Variants in ERBIN observed in about 807,000 individuals in gnomAD.
ERBIN encodes erbb2 interacting protein, also known as densin-180-like protein.
In ERBIN, 60 loss-of-function variants were observed where a neutral mutation model predicts 158.4. The ratio of observed to expected loss-of-function variants is 0.38; its 90% CI spans 0.31 to 0.47. The LOEUF (loss-of-function observed/expected upper bound fraction) is 0.47, where lower values mean the gene tolerates loss of function less well. Ranked by LOEUF, ERBIN falls within the 20% of genes least tolerant of loss-of-function variation. ERBIN has a pLI of 0.99. For synonymous variants in ERBIN, 594 were observed against 557.2 expected (o/e 1.07, Z -0.93); for missense variants, 1,610 against 1,648.0 (o/e 0.98, Z 0.40).
rs573460722 is a variant in ERBIN at position 65,939,464 on chromosome 5, C to G, written c.-58+12658C>G. Among the ~76,000 whole-genome samples the G allele has an allele frequency of 7.0e-4, 107 of 152,140 alleles. No homozygotes were observed. In the South Asian group the frequency reaches 0.012, roughly 17 times the overall value. ...AAACAAACACCAATAAAGAACAATA[C>G]AGATCCAGCCCAGCATCTTCACCAA... On this transcript the variant is annotated intron_variant, in intron 1 of 25. Transcript: ENST00000284037.
rs1755173073 is a variant in ERBIN at position 66,018,518 on chromosome 5, TAA to T, written c.534-2803_534-2802del. Among the ~76,000 whole-genome samples, 5 of 10,566 alleles carry T rather than the reference TAA, an allele frequency of 4.7e-4. 2 individuals are homozygous for T. The highest frequency in any genetic ancestry group is 9.0e-4 in the Non-Finnish European group (5 of 5,550). 6.9% of individuals were successfully genotyped at this position (10,566 alleles called of 152,430 possible). A position where few individuals can be genotyped will look rare whatever the true frequency, so the allele number is the denominator to read the frequency against. On this transcript the variant is annotated intron_variant, in intron 7 of 25. Transcript: ENST00000284037. Reference sequence around the variant, plus strand: ...TATATAATATATATTATATATTATATAATATATATTATATTATATAATATATA... The same window carrying T: ...TATATAATATATATTATATATTATATTATATATTATATTATATAATATATA...
At chr5:65,966,301 G>T (rs1333948747) in intron 1 of ERBIN, among the ~76,000 whole-genome samples, 1 of 152,212 alleles carries the variant, frequency 6.6e-6, no homozygotes, top group Non-Finnish European at 1.5e-5. Context: ...ACAGTACACA[G>T]TACTTGACAA....
chr5:65,996,324 G>C (rs1182033301), intron 4 of ERBIN, among the ~76,000 whole-genome samples: 1 of 147,786 alleles, frequency 6.8e-6, no homozygotes, highest in Non-Finnish European at 1.5e-5. Flanking sequence ...TTTTTAAATG[G>C]TGTAAGATAA....
chr5:65,969,739 AC>A (rs1184549836), intron 1 of ERBIN, among the ~76,000 whole-genome samples: 2 of 152,042 alleles, frequency 1.3e-5, no homozygotes, highest in Admixed American at 6.6e-5. Context: ...TCTAAAACTC[AC>A]CCCCTGCTCC....
chr5:66,034,461 A>G (rs1255280400), intron 14 of ERBIN, among the ~76,000 whole-genome samples: 1 of 151,718 alleles, frequency 6.6e-6, no homozygotes, highest in Admixed American at 6.6e-5. Flanking sequence ...AGCTTTTTGT[A>G]TTTTTAGTAG....
At chr5:65,948,768 T>TG (rs1348164675) in intron 1 of ERBIN, among the ~76,000 whole-genome samples, 132 of 141,324 alleles carry the variant, frequency 9.3e-4, no homozygotes, top group African/African-American at 3.5e-3. Flanking sequence ...TTGCGTTTTT[T>TG]TTTTTTTTTT....
At chr5:65,957,356 G>A (rs1284246629) in intron 1 of ERBIN, among the ~76,000 whole-genome samples, 1 of 152,124 alleles carries the variant, frequency 6.6e-6, no homozygotes, top group Non-Finnish European at 1.5e-5. Flanking sequence ...CTAGGCAGAG[G>A]ACCCTGGGGC....
chr5:66,013,249 T>A (rs1329600848), intron 5 of ERBIN, among the ~76,000 whole-genome samples: 1 of 152,208 alleles, frequency 6.6e-6, no homozygotes, highest in African/African-American at 2.4e-5. Context: ...GATTTCAGAG[T>A]TATACCCTAA....
At chr5:66,018,441 A>AATATAATATATATTATGTT (rs1755038257) in intron 7 of ERBIN, among the ~76,000 whole-genome samples, 1 of 53,166 alleles carries the variant, frequency 1.9e-5, no homozygotes, top group Non-Finnish European at 3.5e-5. Flanking sequence ...TGATATATAT[A>AATATAATATATATTATGTT]ATATAATATA....
intron 1 of ERBIN, among the ~76,000 whole-genome samples, chr5:65,947,785 T>A (rs1245635215): frequency 6.6e-6 from 1 of 152,030 alleles, no homozygotes; most frequent in Non-Finnish European, 1.5e-5. Context: ...GGCAGGCAGA[T>A]CACGTGAGGT....
At chr5:65,960,127 T>A (rs1165053382) in intron 1 of ERBIN, among the ~76,000 whole-genome samples, 1 of 152,262 alleles carries the variant, frequency 6.6e-6, no homozygotes, top group African/African-American at 2.4e-5. Flanking sequence ...TTGCAGTATA[T>A]TCATATGCTG....
At chr5:65,982,598 T>C (rs1186088019) in intron 1 of ERBIN, among the ~76,000 whole-genome samples, 1 of 152,120 alleles carries the variant, frequency 6.6e-6, no homozygotes, top group Non-Finnish European at 1.5e-5. Flanking sequence ...TAGATACAGA[T>C]AAGGATCCTC....
At chr5:66,027,175 A>C (rs1390498164) in intron 13 of ERBIN, among the ~76,000 whole-genome samples, 1 of 152,040 alleles carries the variant, frequency 6.6e-6, no homozygotes, top group African/African-American at 2.4e-5. Context: ...CATTTTATGT[A>C]GGAGGGTTTT....
At chr5:65,983,145 T>C (rs1750831207) in intron 1 of ERBIN, among the ~76,000 whole-genome samples, 1 of 152,320 alleles carries the variant, frequency 6.6e-6, no homozygotes, top group East Asian at 1.9e-4. Context: ...TAGACATGTT[T>C]AGGCTAACTA....
intron 15 of ERBIN, among the ~76,000 whole-genome samples, chr5:66,040,014 T>A (rs1201698319): frequency 6.6e-6 from 1 of 151,990 alleles, no homozygotes; most frequent in Non-Finnish European, 1.5e-5. Flanking sequence ...AAGAGTTTTC[T>A]AATAGTTTAG....
intron 1 of ERBIN, among the ~76,000 whole-genome samples, chr5:65,973,534 C>G (rs1354223778): frequency 6.6e-6 from 1 of 151,378 alleles, no homozygotes; most frequent in Non-Finnish European, 1.5e-5. Context: ...TTCATGCACT[C>G]TGGCACTCAC....
intron 7 of ERBIN, among the ~76,000 whole-genome samples, chr5:66,017,514 T>C (rs1312464469): frequency 3.0e-5 from 3 of 99,556 alleles, no homozygotes; most frequent in African/African-American, 8.2e-5. Context: ...CATTTTACAA[T>C]AGAATTTTTT....
At chr5:65,954,498 C>T (rs181564526) in intron 1 of ERBIN, among the ~76,000 whole-genome samples, 49 of 152,188 alleles carry the variant, frequency 3.2e-4, no homozygotes, top group African/African-American at 1.1e-3. Context: ...GACCTGAGTA[C>T]ATCAAATTTG....
chr5:66,002,134 G>C (rs1753071953), intron 4 of ERBIN, among the ~76,000 whole-genome samples: 1 of 152,150 alleles, frequency 6.6e-6, no homozygotes, highest in Non-Finnish European at 1.5e-5. Flanking sequence ...TCCCGGTAAA[G>C]GACATGAACC....
Sources: gnomAD v4.1 joint callset for allele counts (sites outside exome capture counted in the v4.1 genomes callset) on GRCh38, gnomAD v4.1.1 for gene constraint, MANE v1.5 for transcripts, NCBI Gene and HGNC (gene_info 2026-07-23, HGNC 2026-07-21) for gene names.